Variants in TAFA5 observed in about 807,000 individuals in gnomAD.
TAFA5 encodes TAFA chemokine like family member 5.
TAFA5 carries 6 observed loss-of-function variants against 15.3 expected under a neutral mutation model. The ratio of observed to expected loss-of-function variants is 0.39; its 90% CI spans 0.21 to 0.77. The LOEUF (loss-of-function observed/expected upper bound fraction) is 0.77. Among genes scored for constraint, TAFA5 ranks in the 30% least tolerant of loss-of-function variants. The pLI is 0.41. For missense variants in TAFA5, 161 were observed against 193.1 expected (o/e 0.83, Z 0.98); for synonymous variants, 103 against 80.7 (o/e 1.28, Z -1.48).
intron 1 of TAFA5, among the ~76,000 whole-genome samples, chr22:48,637,820 C>G (rs959126206): frequency 2.6e-5 from 4 of 152,072 alleles, no homozygotes; most frequent in African/African-American, 7.2e-5. Context: ...CACAGCCGAG[C>G]CATTTCCCAC....
At chr22:48,729,822 C>A (rs1929819512) in intron 3 of TAFA5, among the ~76,000 whole-genome samples, 1 of 150,060 alleles carries the variant, frequency 6.7e-6, no homozygotes, top group African/African-American at 2.4e-5. Flanking sequence ...TAGAAAGTGT[C>A]CCAAAAGATA....
At chr22:48,660,821 G>A (rs1927411415) in intron 2 of TAFA5, among the ~76,000 whole-genome samples, 1 of 152,164 alleles carries the variant, frequency 6.6e-6, no homozygotes, top group African/African-American at 2.4e-5. Flanking sequence ...GTGGGTTTTG[G>A]GGGTCAGGAG....
At chr22:48,520,120 G>A (rs969043842) in intron 1 of TAFA5, among the ~76,000 whole-genome samples, 1 of 152,220 alleles carries the variant, frequency 6.6e-6, no homozygotes. Context: ...CCGAGGAGCC[G>A]CTGGGTGGCC....
rs1364916666 is a variant in TAFA5 at position 48,509,001 on chromosome 22, CCT to C, written c.112+19302_112+19303del. Among the ~76,000 whole-genome samples the C allele has an allele frequency of 1.3e-5, 2 of 152,330 alleles. 1 individual carries two copies. ...TCCAGCCTCTAATAACCATAATTCT[CCT>C]CTCTATTTCTATGAGCTCAGTATTT... On this transcript the variant is annotated intron_variant, in intron 1 of 3. Transcript: ENST00000402357.
intron 1 of TAFA5, among the ~76,000 whole-genome samples, chr22:48,517,937 G>A (rs548989169): frequency 2.6e-4 from 40 of 152,348 alleles, no homozygotes; most frequent in African/African-American, 8.7e-4. Context: ...GGGCAGCCTC[G>A]TGAAAAGCCC....
intron 3 of TAFA5, among the ~76,000 whole-genome samples, chr22:48,732,183 A>G (rs1003282179): frequency 6.6e-6 from 1 of 152,222 alleles, no homozygotes; most frequent in Non-Finnish European, 1.5e-5. Flanking sequence ...GACTGCTGCA[A>G]TCTCAGGATA....
chr22:48,588,498 G>C (rs984224151), intron 1 of TAFA5, among the ~76,000 whole-genome samples: 1 of 152,322 alleles, frequency 6.6e-6, no homozygotes, highest in Admixed American at 6.5e-5. Context: ...TCCCAGGCAG[G>C]GTGGGTGCTA....
intron 1 of TAFA5, among the ~76,000 whole-genome samples, chr22:48,505,659 G>T (rs1016310941): frequency 2.0e-5 from 3 of 152,158 alleles, no homozygotes; most frequent in African/African-American, 7.2e-5. Context: ...GGCCACACTT[G>T]CAGTCGGCAT....
intron 1 of TAFA5, among the ~76,000 whole-genome samples, chr22:48,557,843 C>A (rs537912548): frequency 6.6e-6 from 1 of 152,364 alleles, no homozygotes; most frequent in African/African-American, 2.4e-5. Flanking sequence ...CTAGAATCCA[C>A]TGGAAGGCAA....
At chr22:48,615,826 C>T (rs28480003) in intron 1 of TAFA5, among the ~76,000 whole-genome samples, 32,351 of 152,130 alleles carry the variant, frequency 0.21, 3,577 homozygotes, top group African/African-American at 0.22. Flanking sequence ...AGAGAACCCC[C>T]TCCCAGCCAG....
At chr22:48,630,574 C>G (rs1031576039) in intron 1 of TAFA5, among the ~76,000 whole-genome samples, 20 of 152,164 alleles carry the variant, frequency 1.3e-4, no homozygotes, top group African/African-American at 4.8e-4. Context: ...CACAGGTTCA[C>G]GGGATAATTG....
At chr22:48,611,222 A>T (rs949189044) in intron 1 of TAFA5, among the ~76,000 whole-genome samples, 1 of 152,212 alleles carries the variant, frequency 6.6e-6, no homozygotes, top group South Asian at 2.1e-4. Flanking sequence ...GGCGTGAGGC[A>T]CCGCACTCAG....
At chr22:48,596,760 G>T (rs1469066122) in intron 1 of TAFA5, among the ~76,000 whole-genome samples, 1 of 152,054 alleles carries the variant, frequency 6.6e-6, no homozygotes, top group Non-Finnish European at 1.5e-5. Flanking sequence ...CATACAGAGG[G>T]GCGCCACTGC....
At chr22:48,542,509 G>A (rs1463155828) in intron 1 of TAFA5, among the ~76,000 whole-genome samples, 5 of 115,304 alleles carry the variant, frequency 4.3e-5, no homozygotes, top group African/African-American at 1.7e-4. Flanking sequence ...TGCGTGTGTG[G>A]CATGTGTGTG....
chr22:48,687,930 G>A (rs998013272), intron 2 of TAFA5, among the ~76,000 whole-genome samples: 28 of 152,236 alleles, frequency 1.8e-4, no homozygotes, highest in African/African-American at 6.3e-4. Flanking sequence ...AAAAACTGCG[G>A]CTGCCTCTCC....
chr22:48,497,369 C>T (rs1928368113), intron 1 of TAFA5, among the ~76,000 whole-genome samples: 1 of 152,126 alleles, frequency 6.6e-6, no homozygotes, highest in Admixed American at 6.5e-5. Flanking sequence ...CCCCTTGCCC[C>T]TGTTTCTGCA....
chr22:48,694,054 G>A (rs7291345), intron 2 of TAFA5, among the ~76,000 whole-genome samples: 2 of 152,042 alleles, frequency 1.3e-5, no homozygotes, highest in South Asian at 2.1e-4. Context: ...CAGGCCACGC[G>A]GAGGCTGACT....
intron 1 of TAFA5, among the ~76,000 whole-genome samples, chr22:48,584,733 T>C (rs1464728554): frequency 7.5e-6 from 1 of 132,700 alleles, no homozygotes; most frequent in Non-Finnish European, 1.6e-5. Context: ...ACACGCACCA[T>C]ATACACGCAC....
At chr22:48,748,133 C>T (rs1930381592) in intron 3 of TAFA5, among the ~76,000 whole-genome samples, 1 of 152,216 alleles carries the variant, frequency 6.6e-6, no homozygotes, top group South Asian at 2.1e-4. Flanking sequence ...GATGGAAAGG[C>T]TTGTGTGGGC....
Sources: gnomAD v4.1 joint callset for allele counts (sites outside exome capture counted in the v4.1 genomes callset) on GRCh38, gnomAD v4.1.1 for gene constraint, MANE v1.5 for transcripts, NCBI Gene and HGNC (gene_info 2026-07-23, HGNC 2026-07-21) for gene names.